Variants in NXPE2 observed in about 807,000 individuals in gnomAD.
The protein encoded by NXPE2 is NXPE family member 2.
Under a neutral mutation model 34.4 loss-of-function variants are expected in NXPE2, and 34 were observed. The observed-to-expected ratio is 0.99, with a 90% CI of 0.75 to 1.31. The LOEUF is 1.31. NXPE2 is among the 40% of genes most tolerant of loss of function. NXPE2 has a pLI of 0.00. For synonymous variants in NXPE2, 235 were observed against 231.3 expected, an observed-to-expected ratio of 1.02 and a Z score of -0.15; for missense variants, 649 against 672.5, an observed-to-expected ratio of 0.97 and a Z score of 0.39.
chr11:114,750,349 T>A, the NXPE2 span, among the ~76,000 whole-genome samples: 1 of 152,194 alleles, frequency 6.6e-6, no homozygotes, highest in Middle Eastern at 3.2e-3. Context: ...CTGCCATGAG[T>A]AGTTTTATAC....
the NXPE2 span, chr11:114,594,845 G>T: frequency 2.5e-6 from 2 of 804,560 alleles, no homozygotes; most frequent in Non-Finnish European, 4.0e-6. Context: ...GGAAACATTT[G>T]AAATTTTTTT....
the NXPE2 span, among the ~76,000 whole-genome samples, chr11:114,496,035 T>C: frequency 3.3e-5 from 5 of 152,142 alleles, no homozygotes; most frequent in Non-Finnish European, 7.3e-5. Context: ...CACTTGGTCA[T>C]GTGCACCCCA....
the NXPE2 span, among the ~76,000 whole-genome samples, chr11:114,671,287 G>C: frequency 6.6e-6 from 1 of 151,364 alleles, no homozygotes; most frequent in Non-Finnish European, 1.5e-5. Flanking sequence ...TAGATCTTTA[G>C]AGAAATACGG....
chr11:114,472,390 T>TA, the NXPE2 span, among the ~76,000 whole-genome samples: 387 of 150,780 alleles, frequency 2.6e-3, 2 homozygotes, highest in African/African-American at 8.4e-3. Context: ...GCTGAGGAGC[T>TA]AAAAAAAAAA....
the NXPE2 span, among the ~76,000 whole-genome samples, chr11:114,511,676 A>G: frequency 0.021 from 3,193 of 152,264 alleles, 76 homozygotes; most frequent in African/African-American, 0.059. Context: ...GTGATCCCCA[A>G]TGTTGGAGGT....
At chr11:114,523,512 C>T in the NXPE2 span, among the ~76,000 whole-genome samples, 34,489 of 152,004 alleles carry the variant, frequency 0.23, 5,507 homozygotes, top group African/African-American at 0.44. Flanking sequence ...TTAATTTTTC[C>T]GTGTTCAAAA....
the NXPE2 span, among the ~76,000 whole-genome samples, chr11:114,784,203 C>G: frequency 1.3e-5 from 2 of 152,150 alleles, no homozygotes; most frequent in Non-Finnish European, 2.9e-5. Context: ...TTCTTGTAGC[C>G]AAAGAAAAGA....
At chr11:114,744,315 G>A in the NXPE2 span, among the ~76,000 whole-genome samples, 64,040 of 151,960 alleles carry the variant, frequency 0.42, 13,731 homozygotes, top group East Asian at 0.49. Flanking sequence ...TCAGAGTGGC[G>A]TAGATACATC....
At chr11:114,552,997 T>G in the NXPE2 span, 1 of 297,176 alleles carries the variant, frequency 3.4e-6, no homozygotes, top group Non-Finnish European at 5.0e-6. Context: ...TCTTCTAAGC[T>G]CCTGAGTCTT....
At chr11:114,732,132 T>G in the NXPE2 span, among the ~76,000 whole-genome samples, 1 of 152,226 alleles carries the variant, frequency 6.6e-6, no homozygotes, top group South Asian at 2.1e-4. Flanking sequence ...ACAATAAAAT[T>G]TATTAAATTA....
the NXPE2 span, among the ~76,000 whole-genome samples, chr11:114,609,186 A>G: frequency 8.7e-5 from 13 of 150,178 alleles, no homozygotes; most frequent in South Asian, 2.1e-3. Flanking sequence ...ATATTGCCTC[A>G]TGGGTAGCCA....
At chr11:114,750,900 A>G in the NXPE2 span, among the ~76,000 whole-genome samples, 1 of 152,144 alleles carries the variant, frequency 6.6e-6, no homozygotes, top group Non-Finnish European at 1.5e-5. Flanking sequence ...TTATGTTTTG[A>G]TAGCAAATGA....
chr11:114,759,339 G>C, the NXPE2 span, among the ~76,000 whole-genome samples: 13 of 152,294 alleles, frequency 8.5e-5, no homozygotes, highest in East Asian at 2.3e-3. Flanking sequence ...TGGGGAAGCT[G>C]TTTCATGTCT....
At chr11:114,581,634 G>T in the NXPE2 span, 2 of 1,026,836 alleles carry the variant, frequency 1.9e-6, no homozygotes, top group South Asian at 1.4e-5. Context: ...GTGCTGATAG[G>T]ACTGAAACAG....
At chr11:114,501,342 G>A in the NXPE2 span, among the ~76,000 whole-genome samples, 512 of 152,240 alleles carry the variant, frequency 3.4e-3, 3 homozygotes, top group Non-Finnish European at 5.4e-3. Context: ...GCAAAAAGCT[G>A]TTACTCTCTA....
the NXPE2 span, among the ~76,000 whole-genome samples, chr11:114,809,586 C>A: frequency 1.1e-5 from 1 of 90,056 alleles, no homozygotes; most frequent in Non-Finnish European, 2.3e-5. Context: ...AACTCCCATT[C>A]ACAATTGCTT....
the NXPE2 span, among the ~76,000 whole-genome samples, chr11:114,586,100 T>A: frequency 6.6e-6 from 1 of 152,148 alleles, no homozygotes; most frequent in Non-Finnish European, 1.5e-5. Context: ...GACCAATCTT[T>A]TTTGCCCTGT....
At chr11:114,481,504 A>G in the NXPE2 span, among the ~76,000 whole-genome samples, 1 of 152,164 alleles carries the variant, frequency 6.6e-6, no homozygotes, top group Admixed American at 6.6e-5. Flanking sequence ...GTGTGTGTGA[A>G]AAAGGAAGTG....
chr11:114,579,374 A>G, the NXPE2 span, among the ~76,000 whole-genome samples: 4 of 152,214 alleles, frequency 2.6e-5, no homozygotes, highest in African/African-American at 9.6e-5. Context: ...GGAGGGGACA[A>G]TCAGTCAAAC....
Sources: allele counts gnomAD v4.1 joint callset (sites outside exome capture counted in the v4.1 genomes callset), GRCh38; gene constraint gnomAD v4.1.1; transcripts MANE v1.5; gene names NCBI Gene and HGNC (gene_info 2026-07-23, HGNC 2026-07-21).